ITPKB: variants seen among roughly 807,000 people sequenced by gnomAD.
The protein encoded by ITPKB is IP3 3-kinase B.
Under a neutral mutation model 69.4 loss-of-function variants are expected in ITPKB, and 13 were observed. The observed-to-expected ratio is 0.19, with a 90% CI of 0.12 to 0.30. The LOEUF is 0.30. ITPKB is among the 10% of genes least tolerant of loss of function. The pLI is 1.00. For missense variants in ITPKB, 1,240 were observed against 1,250.5 expected, an observed-to-expected ratio of 0.99 and a Z score of 0.13; for synonymous variants, 584 against 513.7, an observed-to-expected ratio of 1.14 and a Z score of -1.85.
chr1:226,649,603 A>G (rs986677748), intron 2 of ITPKB, among the ~76,000 whole-genome samples: 5 of 152,148 alleles, frequency 3.3e-5, no homozygotes, highest in African/African-American at 1.2e-4. Flanking sequence ...GTGTGCGTGC[A>G]TGTGTGTTTG....
At chr1:226,646,463 T>C (rs1669064586) in intron 4 of ITPKB, among the ~76,000 whole-genome samples, 1 of 151,894 alleles carries the variant, frequency 6.6e-6, no homozygotes, top group African/African-American at 2.4e-5. Flanking sequence ...TCAAGCCCCC[T>C]CTTCCTCTCT....
intron 2 of ITPKB, among the ~76,000 whole-genome samples, chr1:226,660,610 G>A (rs1180403690): frequency 6.6e-6 from 1 of 152,212 alleles, no homozygotes; most frequent in Admixed American, 6.5e-5. Context: ...AGAGGAAGAA[G>A]GCACAGGAAA....
intron 2 of ITPKB, among the ~76,000 whole-genome samples, chr1:226,652,823 G>A (rs2102749900): frequency 6.6e-6 from 1 of 152,362 alleles, no homozygotes; most frequent in Non-Finnish European, 1.5e-5. Flanking sequence ...GGGGCTGTGA[G>A]CCTCTCTTTG....
intron 2 of ITPKB, among the ~76,000 whole-genome samples, chr1:226,706,240 A>G (rs993595662): frequency 1.3e-5 from 2 of 152,282 alleles, no homozygotes; most frequent in Non-Finnish European, 2.9e-5. Flanking sequence ...GTTGAACTCA[A>G]TCCTGGAAAA....
chr1:226,695,828 A>T lies in ITPKB; in HGVS notation c.1932+39699T>A, dbSNP rs188523251. ...AGAAGGGAAGTGGAGAAATTATGGC[A>T]GGGCCCACAATGTCACTGTGAGCCC... On this transcript the variant is annotated intron_variant, in intron 2 of 7. Transcript: ENST00000429204. Among the ~76,000 whole-genome samples, 4 of 152,308 alleles carry T rather than the reference A, an allele frequency of 2.6e-5. No homozygotes were observed. In the East Asian group the frequency reaches 7.7e-4, roughly 29 times the overall value.
intron 2 of ITPKB, among the ~76,000 whole-genome samples, chr1:226,685,317 C>T (rs1292245349): frequency 6.6e-6 from 1 of 152,220 alleles, no homozygotes; most frequent in African/African-American, 2.4e-5. Context: ...TCCACGCATG[C>T]CCGCTCTGCC....
At chr1:226,643,082 G>GA (rs1275073544) in intron 4 of ITPKB, among the ~76,000 whole-genome samples, 4 of 152,192 alleles carry the variant, frequency 2.6e-5, no homozygotes, top group South Asian at 2.1e-4. Context: ...AAAAGCCTGA[G>GA]AAAATGCTTC....
At chr1:226,636,893 T>G (rs951947840) in intron 7 of ITPKB, among the ~76,000 whole-genome samples, 4 of 152,060 alleles carry the variant, frequency 2.6e-5, no homozygotes, top group African/African-American at 9.7e-5. Context: ...ACGTATGACT[T>G]GTGTTAATGT....
chr1:226,664,651 C>T (rs186184618), intron 2 of ITPKB, among the ~76,000 whole-genome samples: 31 of 152,224 alleles, frequency 2.0e-4, no homozygotes, highest in Non-Finnish European at 7.4e-5. Flanking sequence ...ACTTTCAATG[C>T]TATTATTAGG....
At position 226,736,866 on chromosome 1, in the gene ITPKB, TCG is replaced by T. The variant is rs755863936; in HGVS notation, c.591_592del (p.Ser197ArgfsTer79). 6.2e-7 allele frequency: 1 copy of T among 1,611,420 alleles called. No homozygotes were observed. The highest frequency in any genetic ancestry group is 1.7e-5 in the Admixed American group (1 of 60,028). On this transcript the variant is annotated frameshift_variant, in exon 2 of 8. Coordinates refer to ENST00000429204, the MANE Select transcript of ITPKB (RefSeq NM_002221.4). LOFTEE classifies it high-confidence loss of function. ...CCCCCAGGACTTTGTCCTCCGTTCCTCGCTCCGGGCGCCCTGAACCAGGACCC... is the reference window on the plus strand; with the variant it reads ...CCCCCAGGACTTTGTCCTCCGTTCCTCTCCGGGCGCCCTGAACCAGGACCC...
intron 2 of ITPKB, among the ~76,000 whole-genome samples, chr1:226,732,965 C>G (rs899473717): frequency 1.3e-5 from 2 of 152,152 alleles, no homozygotes; most frequent in African/African-American, 4.8e-5. Context: ...ATGAAGAAAG[C>G]GCCACAGGAG....
chr1:226,650,847 G>A (rs1475950525), intron 2 of ITPKB, among the ~76,000 whole-genome samples: 1 of 152,218 alleles, frequency 6.6e-6, no homozygotes, highest in Non-Finnish European at 1.5e-5. Context: ...CCTGTGTCCG[G>A]TGAGGGACAG....
chr1:226,724,043 C>A (rs568720322), intron 2 of ITPKB, among the ~76,000 whole-genome samples: 1 of 152,230 alleles, frequency 6.6e-6, no homozygotes, highest in East Asian at 1.9e-4. Flanking sequence ...GGAGGGGTGT[C>A]CTCTATTCCA....
chr1:226,723,456 A>G (rs1023885624), intron 2 of ITPKB, among the ~76,000 whole-genome samples: 4 of 152,184 alleles, frequency 2.6e-5, no homozygotes, highest in African/African-American at 9.7e-5. Context: ...GCCTGGCACC[A>G]GATGCGGCAC....
intron 3 of ITPKB, among the ~76,000 whole-genome samples, chr1:226,648,461 A>AC (rs1669106562): frequency 8.2e-5 from 1 of 12,130 alleles, no homozygotes; most frequent in Non-Finnish European, 1.2e-4. Flanking sequence ...GTTTTGGAGG[A>AC]TGGGGTAACA....
intron 5 of ITPKB, among the ~76,000 whole-genome samples, chr1:226,640,848 T>G (rs1242987602): frequency 1.3e-5 from 2 of 151,970 alleles, no homozygotes; most frequent in Non-Finnish European, 2.9e-5. Flanking sequence ...GGTAAAAACT[T>G]CCCCACATGC....
In ITPKB at chr1:226,737,386, C is replaced by A. The variant is rs1237392584; in HGVS notation, c.73G>T (p.Gly25Cys). The A allele has an allele frequency of 6.2e-7, 1 of 1,609,480 alleles. No homozygotes were observed. Among genetic ancestry groups the A allele is most frequent in the Admixed American group, 1.7e-5 (1 of 59,902 alleles). ...NSANEMKSGG[G>C]PGPSGSETPP... Reference sequence around the variant, plus strand: ...GTCTCGCTGCCACTGGGCCCCGGGCCGCCGCCGCTCTTCATCTCGTTGGCG... The same window carrying A: ...GTCTCGCTGCCACTGGGCCCCGGGCAGCCGCCGCTCTTCATCTCGTTGGCG... Residue 25 changes from glycine (G) to cysteine (C), a missense_variant, in exon 2 of 8, where the codon GGC becomes TGC. Coordinates refer to ENST00000429204, the MANE Select transcript of ITPKB (RefSeq NM_002221.4).
At chr1:226,670,705 A>G (rs532441701) in intron 2 of ITPKB, among the ~76,000 whole-genome samples, 2 of 152,378 alleles carry the variant, frequency 1.3e-5, no homozygotes, top group African/African-American at 4.8e-5. Context: ...TTAACTTTAT[A>G]CTGGCTTTGA....
chr1:226,720,347 C>T (rs1045641653), intron 2 of ITPKB, among the ~76,000 whole-genome samples: 4 of 152,138 alleles, frequency 2.6e-5, no homozygotes, highest in African/African-American at 4.8e-5. Flanking sequence ...TCAGTTAGTC[C>T]CCAGTCCCCC....
Sources: gnomAD v4.1 joint callset for allele counts (sites outside exome capture counted in the v4.1 genomes callset) on GRCh38, gnomAD v4.1.1 for gene constraint, MANE v1.5 for transcripts, NCBI Gene and HGNC (gene_info 2026-07-23, HGNC 2026-07-21) for gene names.